The following CCSER2 variants were observed in gnomAD, a reference collection of about 807,000 sequenced individuals.
CCSER2 encodes serine-rich coiled-coil domain-containing protein 2.
A neutral mutation model predicts 92.3 loss-of-function variants in CCSER2; 46 were observed. The ratio of observed to expected loss-of-function variants is 0.50; its 90% CI spans 0.39 to 0.64. CCSER2 has a LOEUF of 0.64. Among genes scored for constraint, CCSER2 ranks in the 30% least tolerant of loss-of-function variants. The pLI, the probability that CCSER2 is intolerant of heterozygous loss-of-function variation, is 0.00. For missense variants in CCSER2, 1,244 were observed against 1,238.9 expected (o/e 1.00, Z -0.06); for synonymous variants, 433 against 431.4 (o/e 1.00, Z -0.04).
intron 3 of CCSER2, among the ~76,000 whole-genome samples, chr10:84,403,087 G>A (rs755375442): frequency 6.6e-6 from 1 of 152,164 alleles, no homozygotes; most frequent in Admixed American, 6.6e-5. Flanking sequence ...TCAAGAGAGC[G>A]TGGTATTGGC....
At chr10:84,393,851 A>G (rs1841669070) in intron 3 of CCSER2, 1 of 152,234 alleles carries the variant, frequency 6.6e-6, no homozygotes, top group Non-Finnish European at 1.5e-5. Flanking sequence ...TGATGCTAGC[A>G]TAGATGTGGT....
chr10:84,338,712 C>T (rs1188589566), intron 1 of CCSER2, among the ~76,000 whole-genome samples: 2 of 152,048 alleles, frequency 1.3e-5, no homozygotes, highest in Non-Finnish European at 2.9e-5. Flanking sequence ...GCAACTTTTC[C>T]AGGGAAATTT....
chr10:84,333,685 G>A (rs984612978), intron 1 of CCSER2, among the ~76,000 whole-genome samples: 2 of 152,214 alleles, frequency 1.3e-5, no homozygotes, highest in African/African-American at 2.4e-5. Flanking sequence ...AAATATTCAT[G>A]TGAGAAATGA....
At chr10:84,425,208 C>T (rs759602762) in intron 4 of CCSER2, 145 of 972,092 alleles carry the variant, frequency 1.5e-4, no homozygotes, top group Non-Finnish European at 1.7e-4. Context: ...CAGATTGAAG[C>T]GTCTTACTTT....
At chr10:84,389,451 T>C (rs1841403459) in intron 3 of CCSER2, 2 of 409,872 alleles carry the variant, frequency 4.9e-6, no homozygotes, top group Admixed American at 5.4e-5. Flanking sequence ...ACCACGTCAA[T>C]CTGGGCCTGT....
At chr10:84,457,463 AAT>A (rs1288537809) in intron 6 of CCSER2, among the ~76,000 whole-genome samples, 6 of 111,264 alleles carry the variant, frequency 5.4e-5, no homozygotes, top group South Asian at 4.7e-4. Context: ...TAAAATATAT[AAT>A]ATATATATAA....
chr10:84,464,030 G>C lies in CCSER2; in HGVS notation c.2148+14G>C, dbSNP rs762433103. On this transcript the variant is annotated intron_variant, in intron 7 of 9. Coordinates refer to ENST00000372088, the MANE Select transcript of CCSER2 (RefSeq NM_001284240.2). ...AAAGTATATAAGGTATGACTATGTA[G>C]TCATGCTGGATTTTTCAAAATTCTT... 9 of 1,473,994 alleles carry C rather than the reference G, an allele frequency of 6.1e-6. No homozygotes were observed. The highest frequency in any genetic ancestry group is 6.1e-5 in the South Asian group (5 of 82,348). 91.3% of individuals were successfully genotyped at this position (1,473,994 alleles called of 1,614,324 possible).
intron 9 of CCSER2, among the ~76,000 whole-genome samples, chr10:84,490,159 G>A (rs1848068510): frequency 6.6e-6 from 1 of 152,090 alleles, no homozygotes; most frequent in Non-Finnish European, 1.5e-5. Flanking sequence ...CTTTCTCTCT[G>A]GCTGCCCTTA....
chr10:84,357,829 A>ACAATATCTTGTGCCAATAT (rs1845270440), intron 1 of CCSER2, among the ~76,000 whole-genome samples: 1 of 152,226 alleles, frequency 6.6e-6, no homozygotes. Flanking sequence ...GTCTGTGACA[A>ACAATATCTTGTGCCAATAT]CTGTATCCAC....
intron 8 of CCSER2, among the ~76,000 whole-genome samples, chr10:84,472,727 CT>C (rs1295281487): frequency 6.6e-6 from 1 of 152,084 alleles, no homozygotes; most frequent in Admixed American, 6.6e-5. Context: ...AAAGATGAAT[CT>C]TTTTATGCCG....
intron 1 of CCSER2, among the ~76,000 whole-genome samples, chr10:84,364,573 T>G (rs1284557990): frequency 6.6e-6 from 1 of 152,122 alleles, no homozygotes; most frequent in Non-Finnish European, 1.5e-5. Flanking sequence ...CTTATAATGT[T>G]ATGAAGATTA....
At chr10:84,393,142 T>C (rs1841621094) in intron 3 of CCSER2, among the ~76,000 whole-genome samples, 1 of 152,190 alleles carries the variant, frequency 6.6e-6, no homozygotes, top group African/African-American at 2.4e-5. Flanking sequence ...TAAAGTACTG[T>C]AGTTTACAGC....
At chr10:84,430,548 C>T (rs2133458730) in intron 5 of CCSER2, among the ~76,000 whole-genome samples, 1 of 152,216 alleles carries the variant, frequency 6.6e-6, no homozygotes, top group African/African-American at 2.4e-5. Context: ...TAGGGAGCGG[C>T]CAGGGAGATC....
At chr10:84,427,296 G>A (rs1221617485) in intron 5 of CCSER2, among the ~76,000 whole-genome samples, 2 of 152,086 alleles carry the variant, frequency 1.3e-5, no homozygotes, top group African/African-American at 2.4e-5. Flanking sequence ...TCAATCTTTG[G>A]GGTGTTGGTG....
intron 3 of CCSER2, among the ~76,000 whole-genome samples, chr10:84,402,191 C>G (rs1364751867): frequency 6.6e-6 from 1 of 152,168 alleles, no homozygotes; most frequent in African/African-American, 2.4e-5. Flanking sequence ...TGTCCACAAT[C>G]TGACCCATAA....
At chr10:84,413,673 G>A (rs1842760938) in intron 3 of CCSER2, among the ~76,000 whole-genome samples, 2 of 152,190 alleles carry the variant, frequency 1.3e-5, no homozygotes, top group African/African-American at 2.4e-5. Context: ...TTGATGCAGA[G>A]CTGAGTTCAG....
chr10:84,427,459 C>T (rs1416893878), intron 5 of CCSER2, among the ~76,000 whole-genome samples: 1 of 152,142 alleles, frequency 6.6e-6, no homozygotes, highest in Admixed American at 6.5e-5. Flanking sequence ...TATACTAGCC[C>T]CAGGGCCTTT....
chr10:84,444,203 AG>A (rs1181732125), intron 6 of CCSER2, among the ~76,000 whole-genome samples: 1 of 152,170 alleles, frequency 6.6e-6, no homozygotes, highest in Non-Finnish European at 1.5e-5. Context: ...GATTTAGGGC[AG>A]GTTGTCAAGG....
At chr10:84,422,674 C>G (rs1017905638) in intron 4 of CCSER2, among the ~76,000 whole-genome samples, 2 of 152,138 alleles carry the variant, frequency 1.3e-5, no homozygotes, top group Non-Finnish European at 2.9e-5. Flanking sequence ...TAGTTTGCCA[C>G]AAGCCACCAT....
Sources: allele counts gnomAD v4.1 joint callset (sites outside exome capture counted in the v4.1 genomes callset), GRCh38; gene constraint gnomAD v4.1.1; transcripts MANE v1.5; gene names NCBI Gene and HGNC (gene_info 2026-07-23, HGNC 2026-07-21).